The following ZMYND8 variants were observed in gnomAD, a reference collection of about 807,000 sequenced individuals.
The protein encoded by ZMYND8 is MYND-type zinc finger-containing chromatin reader ZMYND8.
In ZMYND8, 37 loss-of-function variants were observed where a neutral mutation model predicts 140.8. The observed-to-expected ratio is 0.26, with a 90% CI of 0.20 to 0.35. The LOEUF is 0.35. Ranked by LOEUF, ZMYND8 falls within the 10% of genes least tolerant of loss-of-function variation. ZMYND8 has a pLI of 1.00. For synonymous variants in ZMYND8, 592 were observed against 597.1 expected (o/e 0.99, Z 0.12); for missense variants, 1,068 against 1,570.0 (o/e 0.68, Z 5.40).
intron 2 of ZMYND8, among the ~76,000 whole-genome samples, chr20:47,326,879 A>G (rs2080465478): frequency 1.3e-5 from 2 of 152,136 alleles, no homozygotes; most frequent in South Asian, 4.2e-4. Context: ...TTTTCAAGAT[A>G]AATATTTGTC....
intron 2 of ZMYND8, among the ~76,000 whole-genome samples, chr20:47,313,555 G>A (rs2148260881): frequency 1.3e-5 from 2 of 152,014 alleles, no homozygotes; most frequent in South Asian, 4.2e-4. Context: ...CTGGGAGGCG[G>A]AGCTTGCAGT....
intron 18 of ZMYND8, among the ~76,000 whole-genome samples, chr20:47,225,587 G>GGGAGGGGAAT (rs1568913001): frequency 2.6e-5 from 2 of 77,268 alleles, no homozygotes; most frequent in African/African-American, 1.0e-4. Context: ...GGGAGGGGAA[G>GGGAGGGGAAT]GAAGGGGAAG....
At chr20:47,251,843 T>C (rs572672076) in intron 12 of ZMYND8, among the ~76,000 whole-genome samples, 1 of 150,872 alleles carries the variant, frequency 6.6e-6, no homozygotes, top group East Asian at 1.9e-4. Context: ...CCCCGCACCA[T>C]CTGGGAAGTG....
At position 47,303,618 on chromosome 20, in the gene ZMYND8, C is replaced by T. The variant is rs1441873380; in HGVS notation, c.235-4671G>A. On this transcript the variant is annotated intron_variant, in intron 3 of 22. Transcript: ENST00000471951. ...GTTGAGGCAGGAAGAAGTGCTTGAA[C>T]CCGGGAGGTGGAGGTTGCGGTGAGC... is the stretch of plus-strand genomic sequence containing the variant. Among the ~76,000 whole-genome samples the T allele has an allele frequency of 1.3e-5, 2 of 152,084 alleles. 1 individual carries two copies. Among genetic ancestry groups the T allele is most frequent in the South Asian group, 4.1e-4 (2 of 4,820 alleles).
At chr20:47,305,915 A>G (rs1203391900) in intron 3 of ZMYND8, among the ~76,000 whole-genome samples, 1 of 152,202 alleles carries the variant, frequency 6.6e-6, no homozygotes, top group Non-Finnish European at 1.5e-5. Context: ...TTCTTGCCCC[A>G]TATACTACAG....
chr20:47,260,930 A>G (rs377384674), intron 12 of ZMYND8, among the ~76,000 whole-genome samples: 9 of 152,226 alleles, frequency 5.9e-5, no homozygotes, highest in African/African-American at 1.9e-4. Context: ...ATCAATAATG[A>G]ATCAACAGCA....
At chr20:47,294,151 C>T (rs1188143037) in intron 5 of ZMYND8, among the ~76,000 whole-genome samples, 1 of 151,672 alleles carries the variant, frequency 6.6e-6, no homozygotes, top group Non-Finnish European at 1.5e-5. Flanking sequence ...AGTTTGAGAC[C>T]AGCCTGGCCA....
At chr20:47,238,536 T>A (rs984430837) in intron 15 of ZMYND8, 2 of 764,308 alleles carry the variant, frequency 2.6e-6, no homozygotes, top group African/African-American at 3.5e-5. Context: ...TATGCATGTA[T>A]CATTTATAAA....
At chr20:47,356,632 A>C (rs369925080) in intron 1 of ZMYND8, 25 bp downstream of exon 1, 56 of 1,613,988 alleles carry the variant, frequency 3.5e-5, no homozygotes, top group Non-Finnish European at 4.7e-5. Context: ...AGGGGGAAAA[A>C]AGATGGTTAA....
At chr20:47,231,159 G>C (rs1301505427) in intron 16 of ZMYND8, among the ~76,000 whole-genome samples, 2 of 152,154 alleles carry the variant, frequency 1.3e-5, no homozygotes, top group African/African-American at 4.8e-5. Flanking sequence ...CAGGCACCCA[G>C]GGATTTGCTG....
chr20:47,272,505 C>T (rs1040112366), intron 11 of ZMYND8, among the ~76,000 whole-genome samples: 2 of 152,106 alleles, frequency 1.3e-5, no homozygotes, highest in African/African-American at 4.8e-5. Context: ...ACATCGAGAT[C>T]GCGCAAACAA....
intron 3 of ZMYND8, among the ~76,000 whole-genome samples, chr20:47,303,852 G>C (rs1384071954): frequency 6.6e-6 from 1 of 152,178 alleles, no homozygotes; most frequent in East Asian, 1.9e-4. Flanking sequence ...CCTGGCTGGG[G>C]CTGGCTGCCC....
chr20:47,338,477 G>C (rs1346635204), intron 2 of ZMYND8, among the ~76,000 whole-genome samples: 1 of 151,798 alleles, frequency 6.6e-6, no homozygotes, highest in Middle Eastern at 3.2e-3. Flanking sequence ...CACTGCGGAC[G>C]CTGAGATCAC....
chr20:47,217,853 C>T (rs1316063143), intron 21 of ZMYND8, among the ~76,000 whole-genome samples: 1 of 151,972 alleles, frequency 6.6e-6, no homozygotes. Flanking sequence ...AGAAAAACTG[C>T]CCCTTCCTCC....
In ZMYND8 at chr20:47,210,059, A is replaced by G. The variant is rs1420099174; in HGVS notation, c.*702T>C. 1 of 152,556 alleles carries G rather than the reference A, an allele frequency of 6.6e-6. No homozygotes were observed. Among genetic ancestry groups the G allele is most frequent in the Admixed American group, 6.6e-5 (1 of 15,266 alleles). The allele number at this position is 152,556 out of a possible 1,614,324, so 9.5% of individuals were successfully genotyped here. A position where few individuals can be genotyped will look rare whatever the true frequency, so the allele number is the denominator to read the frequency against. On this transcript the variant is annotated 3_prime_UTR_variant, in exon 23 of 23. Coordinates refer to ENST00000471951, the MANE Select transcript of ZMYND8 (RefSeq NM_001281775.3). ...TTGTTTCTCTTCTGTAAACAAGGAT[A>G]TTGTTTTTTCCCTTTTAGGAGTAGA... is the stretch of plus-strand genomic sequence containing the variant.
chr20:47,280,535 G>A (rs1477458532), intron 10 of ZMYND8, among the ~76,000 whole-genome samples: 2 of 152,174 alleles, frequency 1.3e-5, no homozygotes, highest in African/African-American at 4.8e-5. Context: ...GGTCCCTGCA[G>A]AGCAGTCACA....
intron 2 of ZMYND8, among the ~76,000 whole-genome samples, chr20:47,312,240 C>G (rs535477047): frequency 6.6e-6 from 1 of 152,212 alleles, no homozygotes; most frequent in Admixed American, 6.5e-5. Flanking sequence ...ACGTGGTCCA[C>G]GCAAGGCCTC....
chr20:47,233,478 C>T (rs1408197449), intron 16 of ZMYND8, among the ~76,000 whole-genome samples: 2 of 152,046 alleles, frequency 1.3e-5, no homozygotes, highest in South Asian at 2.1e-4. Context: ...CAAAGTGCTG[C>T]GGTTACAGCC....
At position 47,262,365 on chromosome 20, in the gene ZMYND8, G is replaced by C; in HGVS notation, c.1544C>G (p.Ser515Cys). The C allele has an allele frequency of 1.2e-6, 2 of 1,614,078 alleles. No homozygotes were observed. The highest frequency in any genetic ancestry group is 1.7e-6 in the Non-Finnish European group (2 of 1,180,026). The change falls in exon 12 of 23, where the codon TCT becomes TGT. Residue 515 changes from serine (S) to cysteine (C), a missense_variant. Transcript: ENST00000471951. Reference sequence around the variant, plus strand: ...CGTGATAGGAGCTGACAGTTGAGGAGAGAAGGGCTTTGGGCTGCCGGATAA... The same window carrying C: ...CGTGATAGGAGCTGACAGTTGAGGACAGAAGGGCTTTGGGCTGCCGGATAA... Reference protein sequence around the residue: ...GSLSGSPKPFSPQLSAPITTK... With the variant: ...GSLSGSPKPFCPQLSAPITTK...
Sources: allele counts gnomAD v4.1 joint callset (sites outside exome capture counted in the v4.1 genomes callset), GRCh38; gene constraint gnomAD v4.1.1; transcripts MANE v1.5; gene names NCBI Gene and HGNC (gene_info 2026-07-23, HGNC 2026-07-21).